The following PTPN3 variants were observed in gnomAD, a reference collection of about 807,000 sequenced individuals.
The protein encoded by PTPN3 is protein tyrosine phosphatase non-receptor type 3, also known as tyrosine-protein phosphatase non-receptor type 3.
A neutral mutation model predicts 132.7 loss-of-function variants in PTPN3; 96 were observed. That is an observed-to-expected ratio of 0.72 (90% CI 0.61 to 0.86). PTPN3 has a LOEUF of 0.86. PTPN3 is among the 40% of genes least tolerant of loss of function. PTPN3 has a pLI of 0.00. For missense variants in PTPN3, 1,125 were observed against 1,159.6 expected, an observed-to-expected ratio of 0.97 and a Z score of 0.43; for synonymous variants, 398 against 429.0, an observed-to-expected ratio of 0.93 and a Z score of 0.89.
chr9:109,455,987 T>A (rs1265113162), intron 4 of PTPN3, among the ~76,000 whole-genome samples: 1 of 152,060 alleles, frequency 6.6e-6, no homozygotes, highest in South Asian at 2.1e-4. Context: ...GGCAGGTATT[T>A]GTCTGCAAGT....
chr9:109,463,938 A>G (rs1845972865), intron 1 of PTPN3, among the ~76,000 whole-genome samples: 1 of 152,260 alleles, frequency 6.6e-6, no homozygotes, highest in African/African-American at 2.4e-5. Context: ...CGCAATATAT[A>G]CATCTGCCAA....
At chr9:109,380,713 A>G (rs906037476) in intron 25 of PTPN3, among the ~76,000 whole-genome samples, 2 of 152,226 alleles carry the variant, frequency 1.3e-5, no homozygotes, top group African/African-American at 4.8e-5. Flanking sequence ...ATATAAAACT[A>G]CCAAAGCTTA....
intron 2 of PTPN3, among the ~76,000 whole-genome samples, chr9:109,458,203 AT>A: frequency 6.6e-6 from 1 of 152,256 alleles, no homozygotes; most frequent in African/African-American, 2.4e-5. Context: ...GACCACACAA[AT>A]GGTCATCTCG....
In PTPN3 at chr9:109,413,624, T is replaced by C. The variant is rs1482736913; in HGVS notation, c.1314-3209A>G. ...ATGCAAGAAGATGGTGAGGATGGGA[T>C]GGAGCCAATGACAAGGGGGAGGAAG... On this transcript the variant is annotated intron_variant, in intron 14 of 25. Coordinates refer to ENST00000374541, the MANE Select transcript of PTPN3 (RefSeq NM_002829.4). 3.3e-5 allele frequency among the ~76,000 whole-genome samples: 5 copies of C among 152,012 alleles called. No homozygotes were observed. In the East Asian group the frequency reaches 9.7e-4, roughly 29 times the overall value.
In PTPN3 at chr9:109,391,576, G is replaced by C. The variant is rs1768143917; in HGVS notation, c.1954-15C>G. The C allele has an allele frequency of 6.3e-7, 1 of 1,592,010 alleles. No individual in the cohort carries two copies. The highest frequency in any genetic ancestry group is 1.4e-5 in the African/African-American group (1 of 74,018). On this transcript the variant is annotated splice_polypyrimidine_tract_variant and intron_variant, in intron 19 of 25. Coordinates refer to ENST00000374541, the MANE Select transcript of PTPN3 (RefSeq NM_002829.4). ...CTGTAGAGTTGCTATGTGAGAAATA[G>C]AGAAAAAAGCAAGCATTGCAAAAAT... is the stretch of plus-strand genomic sequence containing the variant.
intron 2 of PTPN3, among the ~76,000 whole-genome samples, chr9:109,462,364 C>T (rs1845885112): frequency 6.6e-6 from 1 of 152,248 alleles, no homozygotes; most frequent in African/African-American, 2.4e-5. Context: ...TGGCAGTGGG[C>T]AAACTTGTAT....
chr9:109,516,112 T>C, the PTPN3 span, among the ~76,000 whole-genome samples: 1 of 152,236 alleles, frequency 6.6e-6, no homozygotes, highest in Admixed American at 6.5e-5. Context: ...TGAAGCCATC[T>C]GTCCTAGGTC....
the PTPN3 span, among the ~76,000 whole-genome samples, chr9:109,535,632 G>A: frequency 3.4e-4 from 51 of 152,120 alleles, no homozygotes; most frequent in Non-Finnish European, 6.0e-4. Context: ...TTAGCCTTCT[G>A]AGTAGCTGGG....
intron 1 of PTPN3, among the ~76,000 whole-genome samples, chr9:109,470,184 C>T (rs1022260653): frequency 6.6e-6 from 1 of 152,144 alleles, no homozygotes. Flanking sequence ...TCGTCAAATG[C>T]CAATATTTAA....
intron 21 of PTPN3, 23 bp from the exon 22 acceptor site, chr9:109,389,402 T>C (rs751345693): frequency 6.2e-7 from 1 of 1,606,368 alleles, no homozygotes; most frequent in Non-Finnish European, 8.5e-7. Context: ...TGGTAAAGTA[T>C]TAGAATCTGT....
At chr9:109,532,822 G>A in the PTPN3 span, 1 of 862,438 alleles carries the variant, frequency 1.2e-6, no homozygotes, top group African/African-American at 1.8e-5. Flanking sequence ...GAGATGATAA[G>A]TCGGAATTTA....
rs184163185 is a variant in PTPN3, at chr9:109,463,693, T to C, written c.-17-242A>G. On this transcript the variant is annotated intron_variant, in intron 1 of 25. Transcript: ENST00000374541. ...TTATTTGCATGTCTTATTAACTCCC[T>C]GGTCTGAGTCTTCTAATTTATATTT... Among the ~76,000 whole-genome samples, 281 of 152,376 alleles carry C rather than the reference T, an allele frequency of 1.8e-3. 1 individual carries two copies. The highest frequency in any genetic ancestry group is 6.3e-3 in the African/African-American group (261 of 41,590).
At chr9:109,505,132 G>A in the PTPN3 span, among the ~76,000 whole-genome samples, 1 of 152,226 alleles carries the variant, frequency 6.6e-6, no homozygotes, top group South Asian at 2.1e-4. Context: ...GTTTCTGGAA[G>A]TGTGATCCAG....
chr9:109,538,299 A>G, the PTPN3 span, among the ~76,000 whole-genome samples: 9 of 152,358 alleles, frequency 5.9e-5, no homozygotes, highest in South Asian at 6.2e-4. Flanking sequence ...CTACTGGAGA[A>G]TTGAATGCTG....
chr9:109,381,796 G>C lies in PTPN3; in HGVS notation c.2529-9C>G, dbSNP rs1380935127. The C allele has an allele frequency of 1.2e-6, 2 of 1,614,090 alleles. No individual in the cohort carries two copies. The highest frequency in any genetic ancestry group is 2.7e-5 in the African/African-American group (2 of 74,940). ...TTCGACCTATTCCAGCACTGGAGAG[G>C]GGAGAGAAGACAGACTTGGGATTTG... is the stretch of plus-strand genomic sequence containing the variant. On this transcript the variant is annotated splice_polypyrimidine_tract_variant and intron_variant, in intron 24 of 25. Coordinates refer to ENST00000374541, the MANE Select transcript of PTPN3 (RefSeq NM_002829.4).
At chr9:109,399,185 G>C (rs1408777493) in intron 19 of PTPN3, among the ~76,000 whole-genome samples, 1 of 152,154 alleles carries the variant, frequency 6.6e-6, no homozygotes, top group African/African-American at 2.4e-5. Context: ...TTGAGACAAG[G>C]TCTTGCTCTG....
At chr9:109,417,417 C>T (rs549556796) in intron 14 of PTPN3, among the ~76,000 whole-genome samples, 4 of 152,342 alleles carry the variant, frequency 2.6e-5, no homozygotes, top group Admixed American at 6.5e-5. Flanking sequence ...TGATATTATT[C>T]ATCCGATTTC....
At chr9:109,424,119 T>C (rs1378437248) in intron 12 of PTPN3, among the ~76,000 whole-genome samples, 1 of 152,186 alleles carries the variant, frequency 6.6e-6, no homozygotes, top group Non-Finnish European at 1.5e-5. Flanking sequence ...CAAGGTTTAA[T>C]GTGTCATGGG....
intron 1 of PTPN3, among the ~76,000 whole-genome samples, chr9:109,476,779 G>A (rs527886758): frequency 2.0e-5 from 3 of 152,272 alleles, no homozygotes; most frequent in South Asian, 2.1e-4. Context: ...CATTCTTAAC[G>A]CAGCACAGGG....
Sources: gnomAD v4.1 joint callset for allele counts (sites outside exome capture counted in the v4.1 genomes callset) on GRCh38, gnomAD v4.1.1 for gene constraint, MANE v1.5 for transcripts, NCBI Gene and HGNC (gene_info 2026-07-23, HGNC 2026-07-21) for gene names.